The following SRC variants were observed in gnomAD, a reference collection of about 807,000 sequenced individuals.
The protein encoded by SRC is SRC proto-oncogene, non-receptor tyrosine kinase.
A neutral mutation model predicts 62.9 loss-of-function variants in SRC; 13 were observed. The ratio of observed to expected loss-of-function variants is 0.21; its 90% confidence interval spans 0.13 to 0.33. SRC has a LOEUF of 0.33. Among genes scored for constraint, SRC ranks in the 10% least tolerant of loss-of-function variants. The probability of loss-of-function intolerance (pLI) is 1.00; values close to 1 mark genes in which losing one functional copy is unlikely to be tolerated. For synonymous variants in SRC, 302 were observed against 317.5 expected (o/e 0.95, Z 0.52); for missense variants, 457 against 737.3 (o/e 0.62, Z 4.40).
chr20:37,373,268 G>A (rs572117528), intron 2 of SRC, among the ~76,000 whole-genome samples: 41 of 150,046 alleles, frequency 2.7e-4, no homozygotes, highest in East Asian at 1.2e-3. Flanking sequence ...ATGTACATAC[G>A]CACACACACA....
intron 2 of SRC, among the ~76,000 whole-genome samples, 197 bp from the exon 3 acceptor site, chr20:37,382,422 C>T (rs537507538): frequency 9.8e-5 from 15 of 152,330 alleles, no homozygotes; most frequent in African/African-American, 3.4e-4. Context: ...CATACCCTGT[C>T]TCGCTCTTGC....
Position 37,398,952 on chromosome 20 carries a change from C to T in SRC, c.859+1098C>T, listed in dbSNP as rs545290346. On this transcript the variant is annotated intron_variant, in intron 9 of 13. Transcript: ENST00000373578. This position sits in a 1 kb window ranked among gnomAD's most constrained non-coding sequence, Gnocchi z 5.2. Reference sequence around the variant, plus strand: ...ACGGAGGCCCAGCGACTGGGAGGAACGGGCCCAAGGTCACACATCAAAGGA... The same window carrying T: ...ACGGAGGCCCAGCGACTGGGAGGAATGGGCCCAAGGTCACACATCAAAGGA... Among the ~76,000 whole-genome samples, 14 of 152,290 alleles carry T rather than the reference C, an allele frequency of 9.2e-5. No individual in the cohort carries two copies. The highest frequency in any genetic ancestry group is 2.1e-4 in the South Asian group (1 of 4,832).
chr20:37,403,346 C>G lies in SRC; in HGVS notation c.1578C>G (p.Thr526=), dbSNP rs762615603. The change falls in exon 14 of 14, where the codon ACC becomes ACG. Residue 526 remains threonine, a synonymous_variant. Coordinates refer to ENST00000373578, the MANE Select transcript of SRC (RefSeq NM_198291.3). The surrounding 1 kb of genome is among the most constrained non-coding windows in gnomAD (Gnocchi z 7.1). ...TCCTGGAGGACTACTTCACGTCCAC[C>G]GAGCCCCAGTACCAGCCCGGGGAGA... ...QAFLEDYFTS[T]EPQYQPGENL 6.2e-7 allele frequency: 1 copy of G among 1,606,598 alleles called. No individual in the cohort carries two copies. The highest frequency in any genetic ancestry group is 8.5e-7 in the Non-Finnish European group (1 of 1,177,424).
rs1366758168 is a variant in SRC at position 37,401,687 on chromosome 20, GC to G, written c.1116+13del. On this transcript the variant is annotated intron_variant, in intron 11 of 13. Transcript: ENST00000373578. ...TGGACATGGCTGCTCAGGTGAGTCA[GC>G]CCCTCCCGCCTCCCCACACCCTTGG... The G allele has an allele frequency of 1.9e-6, 3 of 1,601,732 alleles. No individual in the cohort carries two copies. Among genetic ancestry groups the G allele is most frequent in the Non-Finnish European group, 8.5e-7 (1 of 1,173,404 alleles).
chr20:37,396,537 C>A lies in SRC; in HGVS notation c.703+226C>A. 1 of 618,788 alleles carries A rather than the reference C, an allele frequency of 1.6e-6. No homozygotes were observed. The highest frequency in any genetic ancestry group is 2.8e-6 in the Non-Finnish European group (1 of 358,506). 38.3% of individuals were successfully genotyped at this position (618,788 alleles called of 1,614,324 possible). On this transcript the variant is annotated intron_variant, in intron 8 of 13. Transcript: ENST00000373578. This position sits in a 1 kb window ranked among gnomAD's most constrained non-coding sequence, Gnocchi z 6.1. ...CCCTCCTCCCTGTCCCCCTCTCTCC[C>A]TGCTCCACGCAGTGTCCCACTGCCC...
rs923045806 is a variant in SRC at position 37,403,722 on chromosome 20, C to T, written c.*343C>T. On this transcript the variant is annotated 3_prime_UTR_variant, in exon 14 of 14. Transcript: ENST00000373578. The surrounding 1 kb of genome is among the most constrained non-coding windows in gnomAD (Gnocchi z 7.1). Reference sequence around the variant, plus strand: ...GAGGGTGCCCTTTTCCAGCCTCAGCCTACTCCGCTCACTGAACTCCTTCCC... The same window carrying T: ...GAGGGTGCCCTTTTCCAGCCTCAGCTTACTCCGCTCACTGAACTCCTTCCC... 5.5e-6 allele frequency: 2 copies of T among 362,504 alleles called. No homozygotes were observed. The highest frequency in any genetic ancestry group is 1.0e-5 in the Non-Finnish European group (2 of 195,040). The allele number at this position is 362,504 out of a possible 1,614,324, so 22.5% of individuals were successfully genotyped here.
At position 37,402,355 on chromosome 20, in the gene SRC, C is replaced by A; in HGVS notation, c.1117-80C>A. ...GGGAGGGTGGGGAAGGGGTGGTTGG[C>A]TCTCCAGCCCCAGAGTGCTCTGTGG... On this transcript the variant is annotated intron_variant, in intron 11 of 13. Transcript: ENST00000373578. This position sits in a 1 kb window ranked among gnomAD's most constrained non-coding sequence, Gnocchi z 6.2. The A allele has an allele frequency of 6.5e-7, 1 of 1,542,654 alleles. No individual in the cohort carries two copies. The highest frequency in any genetic ancestry group is 1.2e-5 in the South Asian group (1 of 83,464).
chr20:37,373,087 T>C lies in SRC; in HGVS notation c.-173+7810T>C, dbSNP rs112197373. On this transcript the variant is annotated intron_variant, in intron 2 of 13. Coordinates refer to ENST00000373578, the MANE Select transcript of SRC (RefSeq NM_198291.3). ...ACACATATACACACATATATACATA[T>C]ATAAATACATATACACATATATGTA... Among the ~76,000 whole-genome samples, 5 of 149,142 alleles carry C rather than the reference T, an allele frequency of 3.4e-5. No homozygotes were observed. The South Asian group carries it at 6.3e-4, about 19-fold the overall frequency.
rs777477625 is a variant in SRC at position 37,396,140 on chromosome 20, G to A, written c.554-22G>A. 16 of 1,607,634 alleles carry A rather than the reference G, an allele frequency of 1.0e-5. No homozygotes were observed. The highest frequency in any genetic ancestry group is 2.7e-5 in the African/African-American group (2 of 74,874). On this transcript the variant is annotated intron_variant, in intron 7 of 13. Coordinates refer to ENST00000373578, the MANE Select transcript of SRC (RefSeq NM_198291.3). The surrounding 1 kb of genome is among the most constrained non-coding windows in gnomAD (Gnocchi z 6.1). Reference sequence around the variant, plus strand: ...CGGGGGGAGAGGGCATGGCGGTCACGGCTCCCCTCGGTGCCCCGCAGGTGC... The same window carrying A: ...CGGGGGGAGAGGGCATGGCGGTCACAGCTCCCCTCGGTGCCCCGCAGGTGC...
At chr20:37,362,969 G>A (rs922686176) in intron 1 of SRC, among the ~76,000 whole-genome samples, 1 of 152,152 alleles carries the variant, frequency 6.6e-6, no homozygotes, top group Non-Finnish European at 1.5e-5. Context: ...TTCTCTAAGC[G>A]GTCCCAGCTG....
chr20:37,366,445 T>G (rs903552909), intron 2 of SRC, among the ~76,000 whole-genome samples: 2 of 152,234 alleles, frequency 1.3e-5, no homozygotes, highest in Non-Finnish European at 2.9e-5. Flanking sequence ...GTCACGGAAT[T>G]GTACAATCGT....
intron 1 of SRC, among the ~76,000 whole-genome samples, chr20:37,362,057 CTTTA>C (rs763746584): frequency 6.6e-6 from 1 of 151,850 alleles, no homozygotes; most frequent in Non-Finnish European, 1.5e-5. Flanking sequence ...TTATTTATGT[CTTTA>C]TTTATTTTTT....
rs184367065 is a variant in SRC, at chr20:37,347,533, G to A, written c.-247+1278G>A. Among the ~76,000 whole-genome samples, 464 of 152,352 alleles carry A rather than the reference G, an allele frequency of 3.0e-3. 5 individuals are homozygous for A. Among genetic ancestry groups the A allele is most frequent in the African/African-American group, 0.011 (444 of 41,578 alleles). ...TGGACACATTGGCTGAGAAAGATGGGTGAGATGTGAGGTTGCTGGCTAGTT... is the reference window on the plus strand; with the variant it reads ...TGGACACATTGGCTGAGAAAGATGGATGAGATGTGAGGTTGCTGGCTAGTT... On this transcript the variant is annotated intron_variant, in intron 1 of 13. Coordinates refer to ENST00000373578, the MANE Select transcript of SRC (RefSeq NM_198291.3).
chr20:37,404,650 C>G lies in SRC; in HGVS notation c.*1271C>G, dbSNP rs556491598. On this transcript the variant is annotated 3_prime_UTR_variant, in exon 14 of 14. Coordinates refer to ENST00000373578, the MANE Select transcript of SRC (RefSeq NM_198291.3). The stretch of plus-strand genomic sequence containing the variant: ...ACCTTGGGTGGCCCCTGCTGTCTCT[C>G]TGGGCTGCAGAGTCTGCCCCACATG... The G allele has an allele frequency of 8.6e-6, 2 of 233,758 alleles. No individual in the cohort carries two copies. Among genetic ancestry groups the G allele is most frequent in the Admixed American group, 1.1e-4 (2 of 17,812 alleles). 14.5% of individuals were successfully genotyped at this position (233,758 alleles called of 1,614,324 possible).
At chr20:37,357,928 G>C (rs563429157) in intron 1 of SRC, among the ~76,000 whole-genome samples, 1 of 152,230 alleles carries the variant, frequency 6.6e-6, no homozygotes, top group Non-Finnish European at 1.5e-5. Flanking sequence ...AGGGGCAGGC[G>C]GCTGGTGTGG....
Position 37,386,576 on chromosome 20 carries a change from G to C in SRC, c.350+402G>C, listed in dbSNP as rs1486687068. On this transcript the variant is annotated intron_variant, in intron 5 of 13. Transcript: ENST00000373578. ...CTTCCACTCCCTGCCTGTGATCTCT[G>C]GCTCTCTTGGCTGCTCCTCACCTCC... 7.2e-6 allele frequency: 5 copies of C among 689,746 alleles called. No individual in the cohort carries two copies. The African/African-American group carries it at 8.8e-5, about 12-fold the overall frequency. 42.7% of individuals were successfully genotyped at this position (689,746 alleles called of 1,614,324 possible).
At position 37,346,904 on chromosome 20, in the gene SRC, C is replaced by T. The variant is rs562117316; in HGVS notation, c.-247+649C>T. Among the ~76,000 whole-genome samples the T allele has an allele frequency of 3.9e-5, 6 of 152,350 alleles. No homozygotes were observed. The East Asian group carries it at 1.2e-3, about 29-fold the overall frequency. On this transcript the variant is annotated intron_variant, in intron 1 of 13. Transcript: ENST00000373578. ...GTTGGCAAAAGTTTTGGGGGTTGGC[C>T]ACCGGGCCAGGTCCACCTGTCTGCC...
chr20:37,390,383 T>C (rs944037156), intron 5 of SRC, among the ~76,000 whole-genome samples: 1 of 149,910 alleles, frequency 6.7e-6, no homozygotes, highest in Non-Finnish European at 1.5e-5. Flanking sequence ...TGGGCTCTGA[T>C]CTGGCTTTTT....
Position 37,367,679 on chromosome 20 carries a change from C to T in SRC, c.-173+2402C>T, listed in dbSNP as rs560230210. 3.3e-5 allele frequency among the ~76,000 whole-genome samples: 5 copies of T among 151,368 alleles called. No individual in the cohort carries two copies. The South Asian group carries it at 6.3e-4, about 19-fold the overall frequency. On this transcript the variant is annotated intron_variant, in intron 2 of 13. Coordinates refer to ENST00000373578, the MANE Select transcript of SRC (RefSeq NM_198291.3). ...TTAATTTTGTAGAGATAGGATCTTACTCTGCCACCCAGGCTGGAGAGCAAT... is the reference window on the plus strand; with the variant it reads ...TTAATTTTGTAGAGATAGGATCTTATTCTGCCACCCAGGCTGGAGAGCAAT...
Sources: gnomAD v4.1 joint callset for allele counts (sites outside exome capture counted in the v4.1 genomes callset) on GRCh38, gnomAD v4.1.1 for gene constraint, Gnocchi (gnomAD v3.1) non-coding constraint, MANE v1.5 for transcripts, NCBI Gene and HGNC (gene_info 2026-07-23, HGNC 2026-07-21) for gene names.